Variants in SHANK2 observed in about 807,000 individuals in gnomAD.
The protein encoded by SHANK2 is SH3 and multiple ankyrin repeat domains 2.
SHANK2 carries 43 observed loss-of-function variants against 133.7 expected under a neutral mutation model. That is an observed-to-expected ratio of 0.32 (90% CI 0.25 to 0.41). The LOEUF is 0.41. Among genes scored for constraint, SHANK2 ranks in the 10% least tolerant of loss-of-function variants. SHANK2 has a pLI of 1.00. For missense variants in SHANK2, 1,994 were observed against 2,235.8 expected (o/e 0.89, Z 2.18); for synonymous variants, 1,017 against 952.8 (o/e 1.07, Z -1.24).
intron 11 of SHANK2, chr11:70,863,574 G>A (rs1215531080): frequency 8.8e-6 from 4 of 456,922 alleles, no homozygotes; most frequent in Admixed American, 7.1e-5. Flanking sequence ...ACAATTTAGA[G>A]TCTAAAATAA....
At chr11:71,209,397 G>A (rs943503249) in intron 2 of SHANK2, among the ~76,000 whole-genome samples, 1 of 152,226 alleles carries the variant, frequency 6.6e-6, no homozygotes, top group Admixed American at 6.5e-5. Context: ...GCTGACCCAG[G>A]AGGGAGCTTC....
At chr11:70,920,381 C>T (rs2135757714) in intron 10 of SHANK2, among the ~76,000 whole-genome samples, 1 of 152,212 alleles carries the variant, frequency 6.6e-6, no homozygotes, top group East Asian at 1.9e-4. Flanking sequence ...GTGTGAACTG[C>T]CACACCCAGT....
chr11:70,806,799 C>T (rs1948171121), intron 13 of SHANK2, among the ~76,000 whole-genome samples: 1 of 152,234 alleles, frequency 6.6e-6, no homozygotes, highest in South Asian at 2.1e-4. Flanking sequence ...CCCTGAGACC[C>T]AGCACTGGGG....
At chr11:70,705,317 T>TA (rs1555024647) in intron 14 of SHANK2, 1 of 152,198 alleles carries the variant, frequency 6.6e-6, no homozygotes, top group African/African-American at 2.4e-5. Context: ...AGCTGACTGA[T>TA]ACACATCTCC....
intron 17 of SHANK2, among the ~76,000 whole-genome samples, chr11:70,555,848 A>C (rs1295719797): frequency 2.0e-5 from 3 of 152,266 alleles, no homozygotes; most frequent in Non-Finnish European, 4.4e-5. Flanking sequence ...CAAGCCGGTC[A>C]CAACATTCCC....
chr11:71,105,075 C>T (rs1392020960), intron 6 of SHANK2, among the ~76,000 whole-genome samples: 1 of 152,164 alleles, frequency 6.6e-6, no homozygotes, highest in Non-Finnish European at 1.5e-5. Flanking sequence ...CTGGAAGCAG[C>T]CCAGATGTCC....
chr11:70,577,360 G>T (rs191022843), intron 17 of SHANK2, among the ~76,000 whole-genome samples: 1 of 152,192 alleles, frequency 6.6e-6, no homozygotes, highest in East Asian at 1.9e-4. Flanking sequence ...CCGTGGCCAC[G>T]CCTGTCTCCT....
chr11:70,583,768 T>C (rs1554986053), intron 17 of SHANK2, among the ~76,000 whole-genome samples: 1 of 152,118 alleles, frequency 6.6e-6, no homozygotes, highest in South Asian at 2.1e-4. Flanking sequence ...GTCCACCCAG[T>C]GGCCAGAACG....
intron 11 of SHANK2, among the ~76,000 whole-genome samples, chr11:70,881,331 G>GA (rs1949656110): frequency 6.6e-6 from 1 of 152,064 alleles, no homozygotes; most frequent in Non-Finnish European, 1.5e-5. Context: ...ACAGGTGCGA[G>GA]CCACCTTGCC....
chr11:70,731,460 G>A (rs1247009536), intron 14 of SHANK2, among the ~76,000 whole-genome samples: 1 of 152,210 alleles, frequency 6.6e-6, no homozygotes, highest in Non-Finnish European at 1.5e-5. Flanking sequence ...TGTTTCTACG[G>A]ATTTGCTAAT....
Position 70,937,062 on chromosome 11 carries a change from CTTCTG to C in SHANK2, c.1108-40500_1108-40496del, listed in dbSNP as rs1565416226. 3.3e-5 allele frequency among the ~76,000 whole-genome samples: 5 copies of C among 152,314 alleles called. No individual in the cohort carries two copies. The South Asian group carries it at 1.0e-3, about 32-fold the overall frequency. Reference sequence around the variant, plus strand: ...CGAGATTTGTAGCATCAGTCACATACTTCTGCCCTGACAAACCCCAGTCCTCTGCG... The same window carrying C: ...CGAGATTTGTAGCATCAGTCACATACCCCTGACAAACCCCAGTCCTCTGCG... On this transcript the variant is annotated intron_variant, in intron 10 of 25. Transcript: ENST00000601538.
chr11:71,177,811 G>GA (rs1953476164), intron 2 of SHANK2, among the ~76,000 whole-genome samples: 1 of 151,980 alleles, frequency 6.6e-6, no homozygotes, highest in Non-Finnish European at 1.5e-5. Flanking sequence ...ATAAGCACGT[G>GA]AAAAAAACAT....
intron 17 of SHANK2, among the ~76,000 whole-genome samples, chr11:70,636,667 G>A (rs1473751743): frequency 6.7e-6 from 1 of 148,642 alleles, no homozygotes; most frequent in Non-Finnish European, 1.5e-5. Flanking sequence ...ATATGTGTGA[G>A]CACGTGTGAG....
At chr11:70,890,656 G>A (rs912871142) in intron 11 of SHANK2, among the ~76,000 whole-genome samples, 18 of 151,880 alleles carry the variant, frequency 1.2e-4, no homozygotes, top group South Asian at 6.2e-4. Context: ...AAAACTAGCC[G>A]GGTATGGTAG....
intron 17 of SHANK2, among the ~76,000 whole-genome samples, chr11:70,553,423 C>G (rs2059793917): frequency 6.6e-6 from 1 of 152,196 alleles, no homozygotes; most frequent in Non-Finnish European, 1.5e-5. Flanking sequence ...AAGACCCTGT[C>G]TTCAAATACA....
chr11:71,061,971 CTTTTT>C (rs1216736346), intron 9 of SHANK2, among the ~76,000 whole-genome samples: 1 of 109,572 alleles, frequency 9.1e-6, no homozygotes, highest in African/African-American at 3.4e-5. Context: ...GTCTTTCTTT[CTTTTT>C]TTTTTTTTTT....
intron 11 of SHANK2, among the ~76,000 whole-genome samples, chr11:70,881,181 G>C (rs1375522361): frequency 2.0e-5 from 3 of 152,086 alleles, no homozygotes; most frequent in African/African-American, 7.2e-5. Context: ...GGGATTACAG[G>C]CCTGCACCAC....
chr11:70,611,576 G>T (rs1025122221), intron 17 of SHANK2, among the ~76,000 whole-genome samples: 5 of 152,254 alleles, frequency 3.3e-5, no homozygotes, highest in Non-Finnish European at 7.3e-5. Flanking sequence ...GAAACAGAGG[G>T]TGTCTGGTTT....
chr11:71,110,973 C>T (rs144114905), intron 5 of SHANK2, among the ~76,000 whole-genome samples: 3 of 152,338 alleles, frequency 2.0e-5, no homozygotes, highest in East Asian at 1.9e-4. Context: ...AGAGCTCCCT[C>T]GCCCCTTCCT....
Sources: allele counts gnomAD v4.1 joint callset (sites outside exome capture counted in the v4.1 genomes callset), GRCh38; gene constraint gnomAD v4.1.1; transcripts MANE v1.5; gene names NCBI Gene and HGNC (gene_info 2026-07-23, HGNC 2026-07-21).